The following QSOX1 variants were observed in gnomAD, a reference collection of about 807,000 sequenced individuals.
QSOX1 encodes the protein quiescin sulfhydryl oxidase 1.
QSOX1 carries 40 observed loss-of-function variants against 76.1 expected under a neutral mutation model. That is an observed-to-expected ratio of 0.53 (90% CI 0.41 to 0.68). QSOX1 has a LOEUF of 0.68. QSOX1 is among the 30% of genes least tolerant of loss of function. The pLI, the probability that QSOX1 is intolerant of heterozygous loss-of-function variation, is 0.00. For synonymous variants in QSOX1, 392 were observed against 413.1 expected, an observed-to-expected ratio of 0.95 and a Z score of 0.62; for missense variants, 931 against 974.3, an observed-to-expected ratio of 0.96 and a Z score of 0.59.
intron 1 of QSOX1, among the ~76,000 whole-genome samples, chr1:180,158,777 T>C (rs1216369974): frequency 6.6e-6 from 1 of 152,168 alleles, no homozygotes; most frequent in African/African-American, 2.4e-5. Context: ...TGTGCCTCTG[T>C]CTTCATGGAA....
intron 7 of QSOX1, 121 bp from the exon 8 acceptor site, chr1:180,185,932 A>G (rs557501825): frequency 3.2e-6 from 4 of 1,246,092 alleles, no homozygotes; most frequent in Non-Finnish European, 2.3e-6. Context: ...GGTAACTTAC[A>G]AGACTCTGTG....
chr1:180,175,471 C>G (rs1662866859), intron 3 of QSOX1, 105 bp downstream of exon 3: 4 of 1,263,488 alleles, frequency 3.2e-6, no homozygotes, highest in Non-Finnish European at 4.6e-6. Flanking sequence ...TCGGCAGGGT[C>G]GAGGGTGAGG....
chr1:180,186,408 G>A (rs1428022515), intron 8 of QSOX1, among the ~76,000 whole-genome samples: 1 of 152,248 alleles, frequency 6.6e-6, no homozygotes, highest in African/African-American at 2.4e-5. Flanking sequence ...ATGCAGCAGT[G>A]TGGGTGGGAC....
chr1:180,202,848 G>T lies in QSOX1; in HGVS notation c.*5811G>T, dbSNP rs1052416957. On this transcript the variant is annotated 3_prime_UTR_variant, in exon 12 of 12. Coordinates refer to ENST00000367602, the MANE Select transcript of QSOX1 (RefSeq NM_002826.5). ...AATCCTAGCACTTTGGGAGGCCGAG[G>T]TGGGTGGATCACGAGGTCAGGAGTT... The T allele has an allele frequency of 2.0e-5, 3 of 152,148 alleles. No homozygotes were observed. Among genetic ancestry groups the T allele is most frequent in the Non-Finnish European group, 4.4e-5 (3 of 68,048 alleles). 9.4% of individuals were successfully genotyped at this position (152,148 alleles called of 1,614,324 possible). A position where few individuals can be genotyped will look rare whatever the true frequency, so the allele number is the denominator to read the frequency against.
In QSOX1 at chr1:180,190,381, C is replaced by G. The variant is rs1663278260; in HGVS notation, c.1141-52C>G. On this transcript the variant is annotated intron_variant, in intron 9 of 11. Transcript: ENST00000367602. Reference sequence around the variant, plus strand: ...CTCCTAGAAGCTTCTGTCTCTGCCTCTCCCATCCTTTTCCTTCTCCATATG... The same window carrying G: ...CTCCTAGAAGCTTCTGTCTCTGCCTGTCCCATCCTTTTCCTTCTCCATATG... 5 of 1,565,186 alleles carry G rather than the reference C, an allele frequency of 3.2e-6. No individual in the cohort carries two copies. In the African/African-American group the frequency reaches 5.4e-5, roughly 17 times the overall value.
At chr1:180,182,351 G>A (rs748873410) in intron 6 of QSOX1, 32 bp downstream of exon 6, 86 of 1,611,848 alleles carry the variant, frequency 5.3e-5, no homozygotes, top group South Asian at 3.2e-4. Context: ...GTCCCCTCTC[G>A]TCCCTCCCTG....
At chr1:180,184,569 G>C (rs1430673480) in intron 7 of QSOX1, among the ~76,000 whole-genome samples, 1 of 152,192 alleles carries the variant, frequency 6.6e-6, no homozygotes. Context: ...TGCCTTTTCA[G>C]GTCACCTGTG....
chr1:180,161,654 A>G (rs537524983), intron 1 of QSOX1, among the ~76,000 whole-genome samples: 3 of 152,368 alleles, frequency 2.0e-5, no homozygotes, highest in East Asian at 3.9e-4. Flanking sequence ...TGTAAACTAT[A>G]GATAGCTTAA....
At chr1:180,162,779 C>A (rs1355200710) in intron 1 of QSOX1, among the ~76,000 whole-genome samples, 2 of 152,110 alleles carry the variant, frequency 1.3e-5, no homozygotes, top group Non-Finnish European at 2.9e-5. Flanking sequence ...ATCACTTGAT[C>A]AAAATAGGAT....
In QSOX1 at chr1:180,202,754, G is replaced by A. The variant is rs1663660786; in HGVS notation, c.*5717G>A. 1 of 150,844 alleles carries A rather than the reference G, an allele frequency of 6.6e-6. No homozygotes were observed. Among genetic ancestry groups the A allele is most frequent in the South Asian group, 2.1e-4 (1 of 4,786 alleles). 9.3% of individuals were successfully genotyped at this position (150,844 alleles called of 1,614,324 possible). ...CATGAAAACAATGGAAAATGCAACT[G>A]ATGTGAGTAATCCATCTACTTGACG... On this transcript the variant is annotated 3_prime_UTR_variant, in exon 12 of 12. Coordinates refer to ENST00000367602, the MANE Select transcript of QSOX1 (RefSeq NM_002826.5).
intron 1 of QSOX1, among the ~76,000 whole-genome samples, chr1:180,163,435 C>T (rs1179981240): frequency 6.6e-6 from 1 of 152,110 alleles, no homozygotes; most frequent in Non-Finnish European, 1.5e-5. Context: ...CCTTAGTAAT[C>T]TTAATTTCTA....
chr1:180,186,749 G>T (rs1180102544), intron 8 of QSOX1, among the ~76,000 whole-genome samples: 1 of 152,242 alleles, frequency 6.6e-6, no homozygotes, highest in African/African-American at 2.4e-5. Context: ...TAACTACTCT[G>T]CGAGGTGGGT....
rs1663532834 is a variant in QSOX1, at chr1:180,197,572, T to C, written c.*535T>C. 5 of 600,920 alleles carry C rather than the reference T, an allele frequency of 8.3e-6. No individual in the cohort carries two copies. In the East Asian group the frequency reaches 1.5e-4, roughly 17 times the overall value. The allele number at this position is 600,920 out of a possible 1,614,324, so 37.2% of individuals were successfully genotyped here. ...CTATGCCTGGCCAGCCTCCAGCTCC[T>C]CAGACCTCCTGGGTGGGGTTTGGCT... On this transcript the variant is annotated 3_prime_UTR_variant, in exon 12 of 12. Coordinates refer to ENST00000367602, the MANE Select transcript of QSOX1 (RefSeq NM_002826.5).
At chr1:180,163,088 C>A (rs1463248576) in intron 1 of QSOX1, among the ~76,000 whole-genome samples, 1 of 149,674 alleles carries the variant, frequency 6.7e-6, no homozygotes, top group Admixed American at 6.7e-5. Flanking sequence ...CAGAGAGGAC[C>A]AAATTCTGAT....
chr1:180,164,714 TCTG>T (rs1280019796), intron 1 of QSOX1, among the ~76,000 whole-genome samples: 1 of 152,244 alleles, frequency 6.6e-6, no homozygotes, highest in East Asian at 1.9e-4. Flanking sequence ...ATTGTGTTCT[TCTG>T]AGACGTCGTA....
intron 11 of QSOX1, among the ~76,000 whole-genome samples, chr1:180,195,110 G>A (rs1331951275): frequency 6.6e-6 from 1 of 152,008 alleles, no homozygotes; most frequent in Non-Finnish European, 1.5e-5. Context: ...AACTTTGAAA[G>A]GAAGACATGT....
chr1:180,160,846 TTC>T (rs1485108115), intron 1 of QSOX1, among the ~76,000 whole-genome samples: 7 of 152,228 alleles, frequency 4.6e-5, no homozygotes, highest in Admixed American at 1.3e-4. Context: ...GTTGTTCAGC[TTC>T]TGTTTATAGG....
chr1:180,166,645 T>C lies in QSOX1; in HGVS notation c.366+54T>C, dbSNP rs1662637436. On this transcript the variant is annotated intron_variant, in intron 2 of 11. Coordinates refer to ENST00000367602, the MANE Select transcript of QSOX1 (RefSeq NM_002826.5). The stretch of plus-strand genomic sequence containing the variant: ...GCTGGGCCTGCTTTGTTTCCCTTTA[T>C]AAGGGAAAGGGACCATGTGGGATGT... 17 of 1,505,552 alleles carry C rather than the reference T, an allele frequency of 1.1e-5. No individual in the cohort carries two copies. In the South Asian group the frequency reaches 1.7e-4, roughly 15 times the overall value. 93.3% of individuals were successfully genotyped at this position (1,505,552 alleles called of 1,614,324 possible).
intron 1 of QSOX1, among the ~76,000 whole-genome samples, chr1:180,164,968 A>G (rs767531466): frequency 6.6e-6 from 1 of 152,150 alleles, no homozygotes; most frequent in East Asian, 1.9e-4. Flanking sequence ...ATCAGATCTT[A>G]TGAGAACTCA....
Sources: allele counts gnomAD v4.1 joint callset (sites outside exome capture counted in the v4.1 genomes callset), GRCh38; gene constraint gnomAD v4.1.1; transcripts MANE v1.5; gene names NCBI Gene and HGNC (gene_info 2026-07-23, HGNC 2026-07-21).